CNTNAP5: variants seen among roughly 807,000 people sequenced by gnomAD.
CNTNAP5 encodes the protein contactin associated protein family member 5.
CNTNAP5 carries 72 observed loss-of-function variants against 150.2 expected under a neutral mutation model. That is an observed-to-expected ratio of 0.48 (90% CI 0.40 to 0.58). CNTNAP5 has a LOEUF of 0.58. Among genes scored for constraint, CNTNAP5 ranks in the 20% least tolerant of loss-of-function variants. The pLI, the probability that CNTNAP5 is intolerant of heterozygous loss-of-function variation, is 0.00. For missense variants in CNTNAP5, 1,636 were observed against 1,626.2 expected, an observed-to-expected ratio of 1.01 and a Z score of -0.10; for synonymous variants, 672 against 619.8, an observed-to-expected ratio of 1.08 and a Z score of -1.25.
At chr2:124,904,662 A>G (rs1678490535) in intron 22 of CNTNAP5, among the ~76,000 whole-genome samples, 1 of 152,168 alleles carries the variant, frequency 6.6e-6, no homozygotes, top group African/African-American at 2.4e-5. Flanking sequence ...TGATGGGGAA[A>G]TTGAATATCC....
intron 1 of CNTNAP5, among the ~76,000 whole-genome samples, chr2:124,216,356 CAG>C (rs1475898161): frequency 5.3e-5 from 8 of 151,872 alleles, no homozygotes; most frequent in African/African-American, 1.9e-4. Context: ...TTTATTGCAT[CAG>C]AGTTTTTTTT....
At chr2:124,645,472 G>T (rs140128693) in intron 12 of CNTNAP5, among the ~76,000 whole-genome samples, 1 of 152,118 alleles carries the variant, frequency 6.6e-6, no homozygotes, top group Non-Finnish European at 1.5e-5. Context: ...GGAGTCTGAG[G>T]CAGGAGGATC....
At chr2:124,836,929 C>T (rs144912128) in intron 19 of CNTNAP5, among the ~76,000 whole-genome samples, 51 of 152,196 alleles carry the variant, frequency 3.4e-4, no homozygotes, top group Non-Finnish European at 6.8e-4. Context: ...ATTTCTAAGA[C>T]ACCTATCTCT....
chr2:124,719,523 A>G (rs1459465990), intron 13 of CNTNAP5, among the ~76,000 whole-genome samples: 1 of 152,194 alleles, frequency 6.6e-6, no homozygotes, highest in East Asian at 1.9e-4. Flanking sequence ...TGTATAAAAA[A>G]AGGGGTTTTA....
intron 6 of CNTNAP5, among the ~76,000 whole-genome samples, chr2:124,467,143 G>A (rs1337492698): frequency 6.6e-6 from 1 of 152,078 alleles, no homozygotes; most frequent in Non-Finnish European, 1.5e-5. Context: ...ATCAATAAAT[G>A]CAAAAGTAAA....
intron 21 of CNTNAP5, among the ~76,000 whole-genome samples, chr2:124,887,499 C>G (rs1427865267): frequency 2.0e-5 from 3 of 152,052 alleles, no homozygotes; most frequent in Non-Finnish European, 4.4e-5. Flanking sequence ...TATCTGAAAA[C>G]CAGGAATCAT....
At chr2:124,266,895 T>C (rs1017257186) in intron 3 of CNTNAP5, among the ~76,000 whole-genome samples, 1 of 151,930 alleles carries the variant, frequency 6.6e-6, no homozygotes, top group Non-Finnish European at 1.5e-5. Context: ...TACACCCCCA[T>C]AGAATAGAAA....
intron 12 of CNTNAP5, among the ~76,000 whole-genome samples, chr2:124,610,423 T>G (rs1677354588): frequency 6.6e-6 from 1 of 152,172 alleles, no homozygotes; most frequent in Non-Finnish European, 1.5e-5. Flanking sequence ...GATACAATCA[T>G]GTGTATTGGA....
chr2:124,707,153 GA>G (rs1679700363), intron 13 of CNTNAP5, among the ~76,000 whole-genome samples: 1 of 64,600 alleles, frequency 1.5e-5, no homozygotes, highest in African/African-American at 4.2e-5. Flanking sequence ...AGAAGAAGAA[GA>G]AGAAGAAGAA....
intron 3 of CNTNAP5, among the ~76,000 whole-genome samples, chr2:124,408,199 G>A (rs1347098569): frequency 2.0e-5 from 3 of 152,216 alleles, no homozygotes; most frequent in Admixed American, 6.5e-5. Flanking sequence ...GGCACACCAC[G>A]AGATTATATC....
At chr2:124,803,237 G>C (rs1185917789) in intron 19 of CNTNAP5, among the ~76,000 whole-genome samples, 2 of 152,184 alleles carry the variant, frequency 1.3e-5, no homozygotes, top group East Asian at 3.9e-4. Flanking sequence ...CTCTCTGGGA[G>C]AGAAGGTCAG....
intron 13 of CNTNAP5, among the ~76,000 whole-genome samples, chr2:124,708,307 C>G (rs1446901357): frequency 6.6e-6 from 1 of 152,088 alleles, no homozygotes; most frequent in African/African-American, 2.4e-5. Flanking sequence ...AAGCCTGGTA[C>G]TGAGGAGGAA....
At chr2:124,200,348 A>G (rs1573830472) in intron 1 of CNTNAP5, among the ~76,000 whole-genome samples, 1 of 152,246 alleles carries the variant, frequency 6.6e-6, no homozygotes, top group South Asian at 2.1e-4. Flanking sequence ...TCTTATTCAT[A>G]TATATTTCTT....
intron 19 of CNTNAP5, among the ~76,000 whole-genome samples, chr2:124,854,563 A>G (rs1010378182): frequency 3.3e-5 from 5 of 152,242 alleles, no homozygotes; most frequent in African/African-American, 4.8e-5. Context: ...GTAGCATTAT[A>G]GCCATTTGTT....
At chr2:124,892,853 T>C (rs962171462) in intron 21 of CNTNAP5, among the ~76,000 whole-genome samples, 1 of 152,138 alleles carries the variant, frequency 6.6e-6, no homozygotes, top group African/African-American at 2.4e-5. Context: ...TTTCTTTGCA[T>C]GAAGGCGTTG....
chr2:124,203,712 C>T (rs1050417635), intron 1 of CNTNAP5, among the ~76,000 whole-genome samples: 6 of 152,200 alleles, frequency 3.9e-5, no homozygotes, highest in East Asian at 1.9e-4. Context: ...TCTGAAGCAA[C>T]GATATGAGCT....
chr2:124,160,536 T>A (rs375988372), intron 1 of CNTNAP5, among the ~76,000 whole-genome samples: 6 of 132,380 alleles, frequency 4.5e-5, no homozygotes, highest in East Asian at 4.5e-4. Flanking sequence ...TTTTTTTTTT[T>A]AAAGTTAAGA....
At chr2:124,128,869 C>G (rs1573775461) in intron 1 of CNTNAP5, among the ~76,000 whole-genome samples, 1 of 152,016 alleles carries the variant, frequency 6.6e-6, no homozygotes, top group African/African-American at 2.4e-5. Flanking sequence ...AATGAGAATA[C>G]TTGAACACAG....
chr2:124,870,196 A>T (rs1677715652), intron 21 of CNTNAP5, among the ~76,000 whole-genome samples: 1 of 149,364 alleles, frequency 6.7e-6, no homozygotes, highest in African/African-American at 2.5e-5. Flanking sequence ...TTTTCACTTT[A>T]TATATGATGA....
Sources: gnomAD v4.1 joint callset for allele counts (sites outside exome capture counted in the v4.1 genomes callset) on GRCh38, gnomAD v4.1.1 for gene constraint, MANE v1.5 for transcripts, NCBI Gene and HGNC (gene_info 2026-07-23, HGNC 2026-07-21) for gene names.